The following PTPRT variants were observed in gnomAD, a reference collection of about 807,000 sequenced individuals.
The protein encoded by PTPRT is receptor-type tyrosine-protein phosphatase T.
A neutral mutation model predicts 176.8 loss-of-function variants in PTPRT; 56 were observed. The observed-to-expected ratio is 0.32, with a 90% CI of 0.26 to 0.40. The LOEUF is 0.40. PTPRT is among the 10% of genes least tolerant of loss of function. The pLI is 1.00. For missense variants in PTPRT, 1,540 were observed against 1,908.2 expected, an observed-to-expected ratio of 0.81 and a Z score of 3.60; for synonymous variants, 783 against 739.0, an observed-to-expected ratio of 1.06 and a Z score of -0.96.
At chr20:42,266,058 C>T (rs73254760) in intron 13 of PTPRT, among the ~76,000 whole-genome samples, 3,332 of 152,268 alleles carry the variant, frequency 0.022, 126 homozygotes, top group African/African-American at 0.076. Flanking sequence ...AATATCTTCT[C>T]AAACCTGGAG....
At chr20:42,801,216 C>T (rs2077525906) in intron 2 of PTPRT, among the ~76,000 whole-genome samples, 1 of 152,118 alleles carries the variant, frequency 6.6e-6, no homozygotes, top group South Asian at 2.1e-4. Flanking sequence ...CACTAGTAGC[C>T]CATGCTGCAA....
chr20:42,325,529 G>A (rs2057869247), intron 11 of PTPRT, among the ~76,000 whole-genome samples: 2 of 152,120 alleles, frequency 1.3e-5, no homozygotes, highest in East Asian at 3.9e-4. Flanking sequence ...AATTCCCATG[G>A]CTTCAGTTTC....
chr20:42,288,246 T>C (rs1439721749), intron 12 of PTPRT, among the ~76,000 whole-genome samples: 1 of 152,024 alleles, frequency 6.6e-6, no homozygotes, highest in Non-Finnish European at 1.5e-5. Flanking sequence ...ATGCTTCTTC[T>C]GGTCACTTCT....
intron 1 of PTPRT, among the ~76,000 whole-genome samples, chr20:43,028,883 G>A (rs1295264860): frequency 2.0e-5 from 3 of 152,218 alleles, no homozygotes; most frequent in African/African-American, 2.4e-5. Context: ...GGGAGGCAGC[G>A]ATGGAATGGG....
chr20:42,567,293 G>C (rs1430268354), intron 7 of PTPRT, among the ~76,000 whole-genome samples: 1 of 148,616 alleles, frequency 6.7e-6, no homozygotes, highest in Admixed American at 6.7e-5. Flanking sequence ...AAAAATAAAA[G>C]AGAGAGAGAG....
At chr20:42,930,083 A>G (rs1352740205) in intron 1 of PTPRT, among the ~76,000 whole-genome samples, 1 of 152,198 alleles carries the variant, frequency 6.6e-6, no homozygotes, top group Non-Finnish European at 1.5e-5. Context: ...AAGTTTAAGC[A>G]TAATCTCTCC....
intron 8 of PTPRT, among the ~76,000 whole-genome samples, chr20:42,468,201 G>A (rs879552515): frequency 7.2e-5 from 11 of 152,298 alleles, no homozygotes; most frequent in Middle Eastern, 3.4e-3. Context: ...AGACAATTTT[G>A]TGGCACGGAT....
chr20:42,185,416 A>G (rs1056763155), intron 16 of PTPRT, among the ~76,000 whole-genome samples: 1 of 152,184 alleles, frequency 6.6e-6, no homozygotes. Flanking sequence ...GACTAATTGT[A>G]TCAGATTCCC....
At chr20:42,928,564 A>AC (rs980074920) in intron 1 of PTPRT, among the ~76,000 whole-genome samples, 1 of 152,056 alleles carries the variant, frequency 6.6e-6, no homozygotes, top group African/African-American at 2.4e-5. Context: ...CCATGGGGAG[A>AC]CCCTACCATG....
chr20:42,275,017 G>C (rs1464611500), intron 13 of PTPRT, among the ~76,000 whole-genome samples: 1 of 152,134 alleles, frequency 6.6e-6, no homozygotes, highest in Non-Finnish European at 1.5e-5. Flanking sequence ...CCAATTCTGA[G>C]GAAACTTGAG....
chr20:42,889,990 G>A (rs998888413), intron 1 of PTPRT, among the ~76,000 whole-genome samples: 1 of 152,160 alleles, frequency 6.6e-6, no homozygotes, highest in African/African-American at 2.4e-5. Context: ...ATTGCTCAGG[G>A]AAATGACAAC....
chr20:42,175,128 AC>A (rs1990237431), intron 16 of PTPRT, among the ~76,000 whole-genome samples: 1 of 152,118 alleles, frequency 6.6e-6, no homozygotes, highest in African/African-American at 2.4e-5. Flanking sequence ...AGGCATGAGA[AC>A]TTTTTCAAAG....
intron 12 of PTPRT, 144 bp downstream of exon 12, chr20:42,315,579 T>G (rs2057708724): frequency 3.2e-6 from 3 of 936,602 alleles, no homozygotes; most frequent in Non-Finnish European, 4.7e-6. Flanking sequence ...TGTACTATTA[T>G]TTTTTTAATT....
At chr20:42,060,799 C>A in the PTPRT span, among the ~76,000 whole-genome samples, 1 of 152,156 alleles carries the variant, frequency 6.6e-6, no homozygotes, top group African/African-American at 2.4e-5. Flanking sequence ...GTAACCCTAC[C>A]CTGTTTCAAC....
chr20:42,785,361 A>G (rs1469180088), intron 3 of PTPRT, among the ~76,000 whole-genome samples: 1 of 152,234 alleles, frequency 6.6e-6, no homozygotes, highest in Non-Finnish European at 1.5e-5. Flanking sequence ...TACATAAACC[A>G]TCAGCTCCGA....
At chr20:42,129,900 G>A (rs1287297116) in intron 18 of PTPRT, among the ~76,000 whole-genome samples, 1 of 152,210 alleles carries the variant, frequency 6.6e-6, no homozygotes, top group Non-Finnish European at 1.5e-5. Flanking sequence ...AAAAGGTCCT[G>A]ACATACAGCA....
At position 42,515,420 on chromosome 20, in the gene PTPRT, T is replaced by A. The variant is rs189695007; in HGVS notation, c.1154-42858A>T. On this transcript the variant is annotated intron_variant, in intron 7 of 30. Coordinates refer to ENST00000373187, the MANE Select transcript of PTPRT (RefSeq NM_007050.6). ...ATTGCTTGAACTCAGGAGGGTGTGG[T>A]TGCAGTGAGCTGAGACTGGGCCACT... is the stretch of plus-strand genomic sequence containing the variant. 4.5e-3 allele frequency among the ~76,000 whole-genome samples: 689 copies of A among 152,288 alleles called. 11 individuals carry two copies. The highest frequency in any genetic ancestry group is 0.016 in the African/African-American group (663 of 41,566).
chr20:42,171,015 A>AT (rs1990059787), intron 16 of PTPRT, among the ~76,000 whole-genome samples: 1 of 152,192 alleles, frequency 6.6e-6, no homozygotes. Context: ...TTACTCATAC[A>AT]TTTTCTTGCC....
chr20:42,617,991 G>A lies in PTPRT; in HGVS notation c.1153+59875C>T, dbSNP rs1210409373. Among the ~76,000 whole-genome samples, 4 of 137,340 alleles carry A rather than the reference G, an allele frequency of 2.9e-5. 1 individual carries two copies. Among genetic ancestry groups the A allele is most frequent in the Non-Finnish European group, 6.1e-5 (4 of 65,422 alleles). 90.1% of individuals were successfully genotyped at this position (137,340 alleles called of 152,430 possible). A position where few individuals can be genotyped will look rare whatever the true frequency, so the allele number is the denominator to read the frequency against. On this transcript the variant is annotated intron_variant, in intron 7 of 30. Coordinates refer to ENST00000373187, the MANE Select transcript of PTPRT (RefSeq NM_007050.6). Reference sequence around the variant, plus strand: ...TCTTGCCTTCTGCTAGCTTTTGAATGTGTTTGCTCTTGCTTTTCTTGTTCT... The same window carrying A: ...TCTTGCCTTCTGCTAGCTTTTGAATATGTTTGCTCTTGCTTTTCTTGTTCT...
Sources: allele counts gnomAD v4.1 joint callset (sites outside exome capture counted in the v4.1 genomes callset), GRCh38; gene constraint gnomAD v4.1.1; transcripts MANE v1.5; gene names NCBI Gene and HGNC (gene_info 2026-07-23, HGNC 2026-07-21).